The following COPB2 variants were observed in gnomAD, a reference collection of about 807,000 sequenced individuals.
COPB2 encodes the protein coat protein complex I subunit beta 2.
A neutral mutation model predicts 120.8 loss-of-function variants in COPB2; 16 were observed. That is an observed-to-expected ratio of 0.13 (90% CI 0.09 to 0.20). The LOEUF (loss-of-function observed/expected upper bound fraction) is 0.20. COPB2 is among the 10% of genes least tolerant of loss of function. The pLI, the probability that COPB2 is intolerant of heterozygous loss-of-function variation, is 1.00. For synonymous variants in COPB2, 332 were observed against 366.3 expected (o/e 0.91, Z 1.07); for missense variants, 794 against 1,076.5 (o/e 0.74, Z 3.67).
At position 139,357,663 on chromosome 3, in the gene COPB2, A is replaced by G. The variant is rs1229311507; in HGVS notation, c.*200T>C. ...TCAAAGCCCATGTCTGTTTTAGTTA[A>G]CAAGGAAAACACAGTGATTTAAATG... On this transcript the variant is annotated 3_prime_UTR_variant, in exon 22 of 22. Transcript: ENST00000333188. 1 of 408,516 alleles carries G rather than the reference A, an allele frequency of 2.4e-6. No homozygotes were observed. The highest frequency in any genetic ancestry group is 4.3e-6 in the Non-Finnish European group (1 of 231,830). The allele number at this position is 408,516 out of a possible 1,614,324, so 25.3% of individuals were successfully genotyped here. A position where few individuals can be genotyped will look rare whatever the true frequency, so the allele number is the denominator to read the frequency against.
chr3:139,374,415 G>A, intron 7 of COPB2, 74 bp downstream of exon 7: 1 of 1,164,848 alleles, frequency 8.6e-7, no homozygotes, highest in African/African-American at 1.5e-5. Context: ...CAATTATAAT[G>A]CAGAGACATT....
At position 139,378,080 on chromosome 3, in the gene COPB2, G is replaced by A. The variant is rs1941748899; in HGVS notation, c.465C>T (p.Asn155=). Residue 155 remains asparagine, a synonymous_variant, in exon 5 of 22, where the codon AAC becomes AAT. Coordinates refer to ENST00000333188, the MANE Select transcript of COPB2 (RefSeq NM_004766.3). ...VMQIVINPKD[N]NQFASASLDR... ...CCAAAGAGGCACTGGCAAACTGATT[G>A]TTATCTTTGGGGTTGATCACAATCT... 1.3e-6 allele frequency: 2 copies of A among 1,580,054 alleles called. No individual in the cohort carries two copies. The highest frequency in any genetic ancestry group is 2.3e-5 in the South Asian group (2 of 86,616).
Position 139,361,112 on chromosome 3 carries a change from C to T in COPB2, c.2179G>A (p.Val727Met), listed in dbSNP as rs1482999276. Residue 727 changes from valine (V) to methionine (M), a missense_variant, in exon 17 of 22, where the codon GTG (valine) becomes ATG (methionine). Physicochemically the swap from Val to Met is conservative, Grantham distance 21. Coordinates refer to ENST00000333188, the MANE Select transcript of COPB2 (RefSeq NM_004766.3). ...EGAERDGKNN[V>M]AFMSYFLQGK... The stretch of plus-strand genomic sequence containing the variant: ...TGTAAAAAGTAGCTCATGAATGCCA[C>T]ATTATTTTTGCCATCTCTCTCCGCA... The T allele has an allele frequency of 6.2e-7, 1 of 1,614,222 alleles. No homozygotes were observed. The highest frequency in any genetic ancestry group is 2.2e-5 in the East Asian group (1 of 44,890).
intron 1 of COPB2, among the ~76,000 whole-genome samples, chr3:139,386,318 G>C (rs1016327800): frequency 6.6e-6 from 1 of 151,658 alleles, no homozygotes; most frequent in South Asian, 2.1e-4. Flanking sequence ...GGGCAGTGGC[G>C]TGATCTCGGC....
chr3:139,388,859 C>T (rs1013387937), intron 1 of COPB2, among the ~76,000 whole-genome samples: 5 of 151,058 alleles, frequency 3.3e-5, no homozygotes, highest in Non-Finnish European at 7.4e-5. Context: ...GTTTTCTTTC[C>T]TTATTATTAT....
chr3:139,379,731 CT>C, intron 2 of COPB2: 1 of 359,268 alleles, frequency 2.8e-6, no homozygotes, highest in South Asian at 4.0e-5. Context: ...CAGCCCTTCC[CT>C]CCCTTTTCCA....
At chr3:139,375,159 G>A (rs1222081220) in intron 6 of COPB2, among the ~76,000 whole-genome samples, 1 of 152,142 alleles carries the variant, frequency 6.6e-6, no homozygotes, top group African/African-American at 2.4e-5. Flanking sequence ...TTGTTGATCT[G>A]CTAGCTTACA....
At chr3:139,372,825 G>C (rs756446132) in intron 9 of COPB2, among the ~76,000 whole-genome samples, 10 of 152,162 alleles carry the variant, frequency 6.6e-5, no homozygotes, top group Middle Eastern at 3.2e-3. Flanking sequence ...ACATATCTCA[G>C]AGTCAGGTTT....
chr3:139,380,604 C>G (rs926506915), intron 2 of COPB2: 9 of 151,922 alleles, frequency 5.9e-5, no homozygotes, highest in Non-Finnish European at 1.3e-4. Flanking sequence ...TTTTTTGTAT[C>G]AGAGAGCAAA....
Position 139,366,554 on chromosome 3 carries a change from AC to A in COPB2, c.1884+13del. On this transcript the variant is annotated intron_variant, in intron 15 of 21. Coordinates refer to ENST00000333188, the MANE Select transcript of COPB2 (RefSeq NM_004766.3). ...AGTTTTAAAAAACAAAAAGAAAAAA[AC>A]AAAACCTCTTACCTGCTTTTCCAAA... is the stretch of plus-strand genomic sequence containing the variant. 6.4e-7 allele frequency: 1 copy of A among 1,573,138 alleles called. No homozygotes were observed. The highest frequency in any genetic ancestry group is 8.6e-7 in the Non-Finnish European group (1 of 1,160,494).
At chr3:139,377,105 C>A (rs1483143389) in intron 5 of COPB2, among the ~76,000 whole-genome samples, 2 of 152,154 alleles carry the variant, frequency 1.3e-5, no homozygotes, top group Non-Finnish European at 2.9e-5. Context: ...CTCACTGCAA[C>A]ATGTATTAAG....
At position 139,379,402 on chromosome 3, in the gene COPB2, T is replaced by C; in HGVS notation, c.206A>G (p.Lys69Arg). 3 of 1,614,150 alleles carry C rather than the reference T, an allele frequency of 1.9e-6. No homozygotes were observed. Among genetic ancestry groups the C allele is most frequent in the Middle Eastern group, 3.3e-4 (2 of 6,062 alleles). The change falls in exon 3 of 22, where the codon AAG becomes AGG. Residue 69 changes from lysine to arginine, a missense_variant. Around this residue, in one of 3 missense-constraint regions of COPB2, gnomAD observed 610 missense variants for 866.7 expected, o/e 0.70. Coordinates refer to ENST00000333188, the MANE Select transcript of COPB2 (RefSeq NM_004766.3). ...TACCGCTCCTGTCACAACCCAATTC[T>C]TCCTTGCAACAAACTTTGCAGCTCG... The part of the protein sequence containing the change: ...PVRAAKFVAR[K>R]NWVVTGADDM...
At chr3:139,361,024 C>G in intron 17 of COPB2, 57 bp downstream of exon 17, 1 of 1,571,880 alleles carries the variant, frequency 6.4e-7, no homozygotes, top group Non-Finnish European at 8.7e-7. Context: ...TCTTCACTTC[C>G]CTCTCCAAAA....
At chr3:139,385,443 A>C (rs1941902096) in intron 1 of COPB2, 1 of 152,088 alleles carries the variant, frequency 6.6e-6, no homozygotes, top group South Asian at 2.1e-4. Flanking sequence ...GTAACCATAA[A>C]GCATAATATT....
chr3:139,359,016 T>A lies in COPB2; in HGVS notation c.2466A>T (p.Lys822Asn). 1 of 1,612,916 alleles carries A rather than the reference T, an allele frequency of 6.2e-7. No individual in the cohort carries two copies. Among genetic ancestry groups the A allele is most frequent in the South Asian group, 1.1e-5 (1 of 90,784 alleles). Residue 822 changes from lysine to asparagine, a missense_variant, in exon 19 of 22, where the codon AAA becomes AAT. Transcript: ENST00000333188. The stretch of plus-strand genomic sequence containing the variant: ...CACTCACCGTGACAAGTGGGTATTG[T>A]TTGGCTGGCCACAGATCAGCATGTG... ...KETHADLWPA[K>N]QYPLVTPNEE...
chr3:139,373,518 C>G, intron 8 of COPB2, 106 bp from the exon 9 acceptor site: 1 of 1,509,858 alleles, frequency 6.6e-7, no homozygotes, highest in South Asian at 1.2e-5. Flanking sequence ...TTCCTTTCTT[C>G]CACTTTAAAT....
At chr3:139,373,157 T>C in intron 9 of COPB2, 56 bp downstream of exon 9, 9 of 1,560,996 alleles carry the variant, frequency 5.8e-6, no homozygotes, top group South Asian at 1.1e-5. Context: ...ACTGTGGATC[T>C]GCAAACCTGT....
chr3:139,358,357 A>G, intron 20 of COPB2, 86 bp from the exon 21 acceptor site: 1 of 1,190,826 alleles, frequency 8.4e-7, no homozygotes, highest in Admixed American at 1.9e-5. Flanking sequence ...GATGATCAGA[A>G]TTAGGAAGTG....
Position 139,369,174 on chromosome 3 carries a change from G to C in COPB2, c.1401+87C>G, listed in dbSNP as rs188623496. On this transcript the variant is annotated intron_variant, in intron 12 of 21. Coordinates refer to ENST00000333188, the MANE Select transcript of COPB2 (RefSeq NM_004766.3). Reference sequence around the variant, plus strand: ...TTTGATAATCGAAGAGGGAGAGCAGGGTACAAAAGACACTTCTTGGCCTTA... The same window carrying C: ...TTTGATAATCGAAGAGGGAGAGCAGCGTACAAAAGACACTTCTTGGCCTTA... The C allele has an allele frequency of 1.7e-5, 15 of 892,874 alleles. No homozygotes were observed. In the South Asian group the frequency reaches 2.9e-4, roughly 17 times the overall value. 55.3% of individuals were successfully genotyped at this position (892,874 alleles called of 1,614,324 possible). A position where few individuals can be genotyped will look rare whatever the true frequency, so the allele number is the denominator to read the frequency against.
Sources: allele counts gnomAD v4.1 joint callset (sites outside exome capture counted in the v4.1 genomes callset), GRCh38; gene constraint gnomAD v4.1.1; regional missense constraint gnomAD v4.1.1; transcripts MANE v1.5; gene names NCBI Gene and HGNC (gene_info 2026-07-23, HGNC 2026-07-21).